The following KPNA7 variants were observed in gnomAD, a reference collection of about 807,000 sequenced individuals.
KPNA7 encodes importin subunit alpha-8.
KPNA7 carries 54 observed loss-of-function variants against 53.7 expected under a neutral mutation model. The ratio of observed to expected loss-of-function variants is 1.01; its 90% CI spans 0.81 to 1.26. The LOEUF is 1.26. Ranked by LOEUF, KPNA7 falls within the 50% of genes most tolerant of loss-of-function variation. KPNA7 has a pLI of 0.00. For synonymous variants in KPNA7, 276 were observed against 259.3 expected, an observed-to-expected ratio of 1.06 and a Z score of -0.62; for missense variants, 640 against 644.5, an observed-to-expected ratio of 0.99 and a Z score of 0.07.
At chr7:99,180,473 G>A (rs1179995353) in intron 9 of KPNA7, among the ~76,000 whole-genome samples, 10 of 151,570 alleles carry the variant, frequency 6.6e-5, no homozygotes, top group East Asian at 5.8e-4. Flanking sequence ...CTCCAACCTC[G>A]GTGGCAGAGC....
chr7:99,210,537 A>G (rs1563092452), upstream of KPNA7, among the ~76,000 whole-genome samples: 1 of 152,134 alleles, frequency 6.6e-6, no homozygotes, highest in African/African-American at 2.4e-5. Flanking sequence ...GTGGTTATTC[A>G]AATCAGGCCA....
chr7:99,176,778 C>A (rs1370248561), intron 10 of KPNA7, among the ~76,000 whole-genome samples: 2 of 152,076 alleles, frequency 1.3e-5, no homozygotes, highest in Non-Finnish European at 2.9e-5. Flanking sequence ...ACTTGGGAGC[C>A]TGAGGTGGGA....
intron 3 of KPNA7, among the ~76,000 whole-genome samples, chr7:99,199,426 C>T (rs1380540771): frequency 6.6e-6 from 1 of 152,138 alleles, no homozygotes; most frequent in African/African-American, 2.4e-5. Flanking sequence ...AACTGAGAGT[C>T]CACAAATGAA....
At chr7:99,146,711 T>TAG in the KPNA7 span, among the ~76,000 whole-genome samples, 1 of 70,402 alleles carries the variant, frequency 1.4e-5, no homozygotes, top group African/African-American at 5.8e-5. Context: ...GACTGTGTCT[T>TAG]AAAAAAAAAA....
At chr7:99,162,369 T>G in the KPNA7 span, among the ~76,000 whole-genome samples, 1,786 of 152,276 alleles carry the variant, frequency 0.012, 34 homozygotes, top group African/African-American at 0.041. Flanking sequence ...TGAGGTACAT[T>G]ACAATTTCTG....
At chr7:99,158,343 TG>T in the KPNA7 span, among the ~76,000 whole-genome samples, 1 of 152,140 alleles carries the variant, frequency 6.6e-6, no homozygotes, top group African/African-American at 2.4e-5. Flanking sequence ...CTTTCCTCTA[TG>T]TTTTTTTTCT....
At chr7:99,173,562 T>C (rs1798810281), downstream of KPNA7, 1 of 575,498 alleles carries the variant, frequency 1.7e-6, no homozygotes, top group South Asian at 2.5e-5. Context: ...GAAGTTCAGA[T>C]AGAGAAACGT....
rs370361091 is a variant in KPNA7 at position 99,207,373 on chromosome 7, T to C, written c.66+28A>G. On this transcript the variant is annotated intron_variant, in intron 2 of 10. Coordinates refer to ENST00000327442, the MANE Select transcript of KPNA7 (RefSeq NM_001145715.3). ...TTATGCAGATTGCACTGGTCCCCAA[T>C]AGAAGCAGGTGGGTGCTTCATACTC... is the stretch of plus-strand genomic sequence containing the variant. 3.4e-5 allele frequency: 53 copies of C among 1,544,426 alleles called. 1 individual carries two copies. In the South Asian group the frequency reaches 5.7e-4, roughly 17 times the overall value.
At chr7:99,154,549 A>G in the KPNA7 span, among the ~76,000 whole-genome samples, 1 of 148,224 alleles carries the variant, frequency 6.7e-6, no homozygotes, top group South Asian at 2.2e-4. Context: ...TTTTTTCTCA[A>G]GACGGAGTCT....
chr7:99,172,858 T>A, downstream of KPNA7, among the ~76,000 whole-genome samples: 1 of 151,586 alleles, frequency 6.6e-6, no homozygotes, highest in African/African-American at 2.4e-5. Context: ...AGGTCATGAG[T>A]TTGAGACCAG....
chr7:99,199,460 T>C (rs7806536), intron 3 of KPNA7, among the ~76,000 whole-genome samples: 2 of 152,276 alleles, frequency 1.3e-5, no homozygotes, highest in Non-Finnish European at 2.9e-5. Context: ...GGTCAATTGA[T>C]TTTTTTGACA....
the KPNA7 span, among the ~76,000 whole-genome samples, chr7:99,147,222 G>C: frequency 6.6e-6 from 1 of 152,332 alleles, no homozygotes; most frequent in Middle Eastern, 3.4e-3. Flanking sequence ...CAATGATACA[G>C]TGATGGGGAT....
At chr7:99,170,511 TTC>T (rs1365585328), downstream of KPNA7, among the ~76,000 whole-genome samples, 2 of 152,158 alleles carry the variant, frequency 1.3e-5, no homozygotes, top group Non-Finnish European at 2.9e-5. Flanking sequence ...TTCTATTTTT[TTC>T]TTTTTCTTTT....
chr7:99,155,122 G>GA, the KPNA7 span, among the ~76,000 whole-genome samples: 1 of 152,126 alleles, frequency 6.6e-6, no homozygotes, highest in Non-Finnish European at 1.5e-5. Context: ...CTTCATTTAT[G>GA]AAAGATGAGG....
chr7:99,164,632 TAAAA>T, the KPNA7 span, among the ~76,000 whole-genome samples: 147 of 151,446 alleles, frequency 9.7e-4, no homozygotes, highest in Non-Finnish European at 1.7e-3. Context: ...TTAAAGAATT[TAAAA>T]AAAAAAAAAA....
intron 1 of KPNA7, among the ~76,000 whole-genome samples, chr7:99,216,240 G>T (rs926017488): frequency 3.9e-5 from 6 of 151,992 alleles, no homozygotes; most frequent in African/African-American, 1.4e-4. Flanking sequence ...CATTGCCCAG[G>T]CTTGTCTCGA....
chr7:99,205,936 T>C (rs1487951920), intron 2 of KPNA7, among the ~76,000 whole-genome samples: 1 of 152,110 alleles, frequency 6.6e-6, no homozygotes, highest in Non-Finnish European at 1.5e-5. Flanking sequence ...TTAGAATCCA[T>C]ATACACAGCA....
chr7:99,188,189 A>AG (rs952685980), intron 7 of KPNA7, 111 bp downstream of exon 7: 74 of 1,010,370 alleles, frequency 7.3e-5, no homozygotes, highest in Admixed American at 1.2e-4. Flanking sequence ...AAAAAAAAAA[A>AG]AAAAAAAAAG....
the KPNA7 span, among the ~76,000 whole-genome samples, chr7:99,163,359 G>GTGTGTATATATATATATATATATA: frequency 1.5e-5 from 1 of 66,420 alleles, no homozygotes; most frequent in Admixed American, 2.5e-4. Flanking sequence ...ATGAGTGTGT[G>GTGTGTATATATATATATATATATA]TATATATATA....
Sources: allele counts gnomAD v4.1 joint callset (sites outside exome capture counted in the v4.1 genomes callset), GRCh38; gene constraint gnomAD v4.1.1; transcripts MANE v1.5; gene names NCBI Gene and HGNC (gene_info 2026-07-23, HGNC 2026-07-21).